The following GPHN variants were observed in gnomAD, a reference collection of about 807,000 sequenced individuals.
GPHN encodes gephyrin.
Under a neutral mutation model 95.5 loss-of-function variants are expected in GPHN, and 17 were observed. The ratio of observed to expected loss-of-function variants is 0.18; its 90% CI spans 0.12 to 0.27. GPHN has a LOEUF of 0.27. Among genes scored for constraint, GPHN ranks in the 10% least tolerant of loss-of-function variants. The pLI, the probability that GPHN is intolerant of heterozygous loss-of-function variation, is 1.00. For synonymous variants in GPHN, 320 were observed against 322.5 expected (o/e 0.99, Z 0.08); for missense variants, 660 against 978.1 (o/e 0.67, Z 4.34).
intron 2 of GPHN, among the ~76,000 whole-genome samples, chr14:66,699,312 GCA>G (rs1595596429): frequency 6.6e-6 from 1 of 151,308 alleles, no homozygotes; most frequent in Admixed American, 6.6e-5. Context: ...TAACAAACCT[GCA>G]CATTGTGCAC....
the GPHN span, chr14:67,302,457 A>G: frequency 6.3e-7 from 1 of 1,598,766 alleles, no homozygotes; most frequent in South Asian, 1.1e-5. Flanking sequence ...TTAGCCGGAT[A>G]GTAAAAGGGG....
the GPHN span, among the ~76,000 whole-genome samples, chr14:67,246,553 CT>C: frequency 7.9e-5 from 12 of 151,802 alleles, no homozygotes; most frequent in African/African-American, 2.9e-4. Context: ...ATTGCCCAAG[CT>C]GGTCTTGAGC....
intron 18 of GPHN, among the ~76,000 whole-genome samples, chr14:67,146,207 G>T (rs1418560248): frequency 6.6e-6 from 1 of 152,146 alleles, no homozygotes; most frequent in Non-Finnish European, 1.5e-5. Flanking sequence ...TAAACAGCGA[G>T]GAAGGGGCCC....
chr14:67,286,151 C>T, the GPHN span, among the ~76,000 whole-genome samples: 1 of 152,212 alleles, frequency 6.6e-6, no homozygotes, highest in Non-Finnish European at 1.5e-5. Context: ...GCTAGATTTG[C>T]TATGCCTGCC....
chr14:67,709,775 A>G, the GPHN span, among the ~76,000 whole-genome samples: 1 of 152,196 alleles, frequency 6.6e-6, no homozygotes, highest in East Asian at 1.9e-4. Flanking sequence ...TGTCCTTTTT[A>G]GACCAAGGCA....
chr14:66,589,088 GA>G (rs200614729), intron 1 of GPHN, among the ~76,000 whole-genome samples: 1 of 151,452 alleles, frequency 6.6e-6, no homozygotes, highest in Admixed American at 6.6e-5. Flanking sequence ...TCAACCTTCT[GA>G]AAAAAAAGAA....
At chr14:67,708,125 A>G in the GPHN span, among the ~76,000 whole-genome samples, 1 of 152,254 alleles carries the variant, frequency 6.6e-6, no homozygotes, top group Non-Finnish European at 1.5e-5. Flanking sequence ...AGGCAGAGAG[A>G]CACAAATATG....
At chr14:66,833,707 A>T (rs1256726537) in intron 4 of GPHN, among the ~76,000 whole-genome samples, 2 of 151,968 alleles carry the variant, frequency 1.3e-5, no homozygotes, top group African/African-American at 4.8e-5. Context: ...AAACCTAGTA[A>T]CTATCCATTT....
At chr14:67,509,889 T>C in the GPHN span, among the ~76,000 whole-genome samples, 2 of 152,076 alleles carry the variant, frequency 1.3e-5, no homozygotes, top group African/African-American at 2.4e-5. Flanking sequence ...TGGTGGCACA[T>C]GCCTGTAGTC....
chr14:67,005,606 AATAT>A (rs1166446967), intron 9 of GPHN, among the ~76,000 whole-genome samples: 3 of 135,378 alleles, frequency 2.2e-5, no homozygotes. Flanking sequence ...TTTTAACTTA[AATAT>A]TTTGGGAACA....
At chr14:67,576,024 C>T in the GPHN span, 1 of 1,579,558 alleles carries the variant, frequency 6.3e-7, no homozygotes, top group Non-Finnish European at 8.7e-7. This position sits in a 1 kb window ranked among gnomAD's most constrained non-coding sequence, Gnocchi z 4.0. Flanking sequence ...GAGGGCTGGG[C>T]CTCCAGGGCC....
rs1421893686 is a variant in GPHN at position 67,144,286 on chromosome 14, T to TATACATATATATATATATATATATATAC, written c.1836+838_1836+839insTACATATATATATATATATATATATACA. Among the ~76,000 whole-genome samples the TATACATATATATATATATATATATATAC allele has an allele frequency of 2.6e-4, 20 of 78,124 alleles. 3 individuals carry two copies. In the East Asian group the frequency reaches 2.9e-3, roughly 11 times the overall value. 51.3% of individuals were successfully genotyped at this position (78,124 alleles called of 152,430 possible). On this transcript the variant is annotated intron_variant, in intron 18 of 22. Coordinates refer to ENST00000478722, the MANE Select transcript of GPHN (RefSeq NM_020806.5). ...ATATATATATATATATATATATATA[T>TATACATATATATATATATATATATATAC]ACACACACACATACACAAATATTTT... is the stretch of plus-strand genomic sequence containing the variant.
At chr14:67,089,133 C>CTTTTTTTTTTTTTTTTTTTTTTTTAT in intron 12 of GPHN, 58 bp downstream of exon 12, 1 of 198,576 alleles carries the variant, frequency 5.0e-6, no homozygotes, top group South Asian at 4.8e-5. Context: ...TTCTTTTTTT[C>CTTTTTTTTTTTTTTTTTTTTTTTTAT]TTTTTTTTTT....
the GPHN span, among the ~76,000 whole-genome samples, chr14:67,248,139 A>G: frequency 6.6e-6 from 1 of 152,144 alleles, no homozygotes; most frequent in Non-Finnish European, 1.5e-5. Context: ...CAAATGTTGA[A>G]CCATATTTGC....
At chr14:67,213,433 C>T in the GPHN span, among the ~76,000 whole-genome samples, 5 of 145,522 alleles carry the variant, frequency 3.4e-5, no homozygotes, top group East Asian at 2.1e-4. Flanking sequence ...TTTGTTCTTG[C>T]GATAGTTTAC....
chr14:66,958,444 G>C (rs1423094880), intron 8 of GPHN, among the ~76,000 whole-genome samples: 3 of 152,156 alleles, frequency 2.0e-5, no homozygotes, highest in African/African-American at 7.2e-5. Flanking sequence ...TATGTTCTGA[G>C]AAATGCATTG....
chr14:66,722,060 A>G (rs2070797663), intron 2 of GPHN, among the ~76,000 whole-genome samples: 1 of 151,884 alleles, frequency 6.6e-6, no homozygotes, highest in African/African-American at 2.4e-5. Flanking sequence ...ATTATAAAAC[A>G]ATACTTATAT....
chr14:66,752,520 G>C (rs766246672), intron 2 of GPHN, among the ~76,000 whole-genome samples: 2 of 152,072 alleles, frequency 1.3e-5, no homozygotes, highest in Non-Finnish European at 1.5e-5. Context: ...AAAATGGCCA[G>C]CTGGTCGAGC....
chr14:66,961,651 G>A (rs1295905073), intron 8 of GPHN, among the ~76,000 whole-genome samples: 1 of 151,354 alleles, frequency 6.6e-6, no homozygotes, highest in African/African-American at 2.4e-5. Context: ...ACTGAGGAAT[G>A]TATGAAAAAG....
Sources: gnomAD v4.1 joint callset for allele counts (sites outside exome capture counted in the v4.1 genomes callset) on GRCh38, gnomAD v4.1.1 for gene constraint, Gnocchi (gnomAD v3.1) non-coding constraint, MANE v1.5 for transcripts, NCBI Gene and HGNC (gene_info 2026-07-23, HGNC 2026-07-21) for gene names.